The following CDH19 variants were observed in gnomAD, a reference collection of about 807,000 sequenced individuals.
The protein encoded by CDH19 is cadherin 19.
A neutral mutation model predicts 64.2 loss-of-function variants in CDH19; 67 were observed. That is an observed-to-expected ratio of 1.04 (90% CI 0.86 to 1.28). CDH19 has a LOEUF of 1.28. Among genes scored for constraint, CDH19 ranks in the 50% most tolerant of loss-of-function variants. CDH19 has a pLI of 0.00. For synonymous variants in CDH19, 346 were observed against 319.3 expected (o/e 1.08, Z -0.89); for missense variants, 1,030 against 929.0 (o/e 1.11, Z -1.41).
At chr18:66,550,440 A>T (rs1987297304) in intron 5 of CDH19, among the ~76,000 whole-genome samples, 1 of 152,158 alleles carries the variant, frequency 6.6e-6, no homozygotes, top group Admixed American at 6.5e-5. Context: ...TGAACGCATA[A>T]ATATGTCACC....
chr18:66,515,977 A>G (rs547541093), intron 9 of CDH19, among the ~76,000 whole-genome samples: 8 of 152,008 alleles, frequency 5.3e-5, no homozygotes, highest in African/African-American at 1.9e-4. Flanking sequence ...TGCAAACTTA[A>G]AAAGTATTGA....
chr18:66,565,350 A>C (rs554415139), intron 3 of CDH19, among the ~76,000 whole-genome samples: 1 of 152,150 alleles, frequency 6.6e-6, no homozygotes, highest in East Asian at 1.9e-4. Context: ...TCATGACATA[A>C]TGAAATATGG....
intron 5 of CDH19, among the ~76,000 whole-genome samples, chr18:66,548,259 A>AT (rs1337074896): frequency 1.2e-4 from 5 of 42,630 alleles, no homozygotes; most frequent in Admixed American, 1.1e-3. Flanking sequence ...ATATATATAT[A>AT]TATTTTTTTA....
At chr18:66,544,997 G>C in intron 5 of CDH19, 94 bp from the exon 6 acceptor site, 3 of 958,984 alleles carry the variant, frequency 3.1e-6, no homozygotes, top group East Asian at 5.5e-5. Flanking sequence ...TTGTTTTTTC[G>C]AGACGGAGTC....
chr18:66,603,050 T>C (rs1051992896), intron 1 of CDH19, among the ~76,000 whole-genome samples: 3 of 151,022 alleles, frequency 2.0e-5, no homozygotes, highest in Non-Finnish European at 3.0e-5. Context: ...ATGTCTTTCT[T>C]ACAGATATAT....
In CDH19 at chr18:66,552,906, G is replaced by A. The variant is rs185585033; in HGVS notation, c.610+1499C>T. ...CTCTCTTCTGCATTTCTCCACACTG[G>A]TGTTCAGTTATTCTAAGAGTTTCAA... is the stretch of plus-strand genomic sequence containing the variant. On this transcript the variant is annotated intron_variant, in intron 4 of 11. Coordinates refer to ENST00000262150, the MANE Select transcript of CDH19 (RefSeq NM_021153.4). Among the ~76,000 whole-genome samples the A allele has an allele frequency of 3.8e-5, 5 of 133,124 alleles. 1 individual carries two copies. Among genetic ancestry groups the A allele is most frequent in the Admixed American group, 7.3e-5 (1 of 13,736 alleles). 87.3% of individuals were successfully genotyped at this position (133,124 alleles called of 152,430 possible).
intron 1 of CDH19, among the ~76,000 whole-genome samples, chr18:66,594,382 C>T (rs187367424): frequency 6.6e-6 from 1 of 152,142 alleles, no homozygotes; most frequent in African/African-American, 2.4e-5. Flanking sequence ...TAAAGATATT[C>T]AGAACCTAAA....
intron 5 of CDH19, among the ~76,000 whole-genome samples, chr18:66,546,409 G>A (rs1035436323): frequency 6.6e-6 from 1 of 152,110 alleles, no homozygotes; most frequent in Non-Finnish European, 1.5e-5. Context: ...TGCCATGAAC[G>A]TGAAAGCAGA....
intron 1 of CDH19, among the ~76,000 whole-genome samples, chr18:66,573,824 C>T (rs942205344): frequency 2.7e-5 from 4 of 150,890 alleles, no homozygotes; most frequent in African/African-American, 9.7e-5. Context: ...AATATTGTGT[C>T]ATTTCTACAC....
At chr18:66,522,513 G>A (rs915053058) in intron 9 of CDH19, among the ~76,000 whole-genome samples, 1 of 152,168 alleles carries the variant, frequency 6.6e-6, no homozygotes, top group African/African-American at 2.4e-5. Context: ...GCCTCCCAAA[G>A]TGTTGGGATA....
chr18:66,556,394 A>T (rs768840823), intron 3 of CDH19, among the ~76,000 whole-genome samples: 1 of 151,806 alleles, frequency 6.6e-6, no homozygotes, highest in Admixed American at 6.6e-5. Flanking sequence ...CTTATCTGAT[A>T]CTTTGTATTC....
intron 7 of CDH19, among the ~76,000 whole-genome samples, chr18:66,537,498 C>T (rs72954422): frequency 0.15 from 22,585 of 151,832 alleles, 1,822 homozygotes; most frequent in South Asian, 0.25. Context: ...TAGGTGATGA[C>T]GACCCCATTT....
intron 1 of CDH19, among the ~76,000 whole-genome samples, chr18:66,595,951 A>C (rs866145800): frequency 6.6e-6 from 1 of 152,156 alleles, no homozygotes; most frequent in African/African-American, 2.4e-5. Context: ...GCAACATATC[A>C]AATTCAATCC....
chr18:66,583,728 C>A (rs1296085968), intron 1 of CDH19, among the ~76,000 whole-genome samples: 3 of 151,998 alleles, frequency 2.0e-5, no homozygotes, highest in Non-Finnish European at 2.9e-5. Flanking sequence ...ATCATCTAAT[C>A]TTTGACAAAA....
intron 1 of CDH19, among the ~76,000 whole-genome samples, chr18:66,576,288 T>C (rs1417387019): frequency 6.6e-6 from 1 of 151,370 alleles, no homozygotes; most frequent in Admixed American, 6.6e-5. Flanking sequence ...TATATGTCTT[T>C]AAAATGATTT....
chr18:66,574,877 T>C (rs1457104052), intron 1 of CDH19, among the ~76,000 whole-genome samples: 1 of 151,796 alleles, frequency 6.6e-6, no homozygotes, highest in Admixed American at 6.6e-5. Context: ...TGCAGAAACA[T>C]TTTTAAAGTA....
chr18:66,529,886 A>G lies in CDH19; in HGVS notation c.1417T>C (p.Tyr473His). ...INDHAPEFSQ[Y>H]YETYVCENAG... is the part of the protein sequence containing the mutation. ...TTTTCACAAACATAAGTCTCATAGT[A>G]TTGAGAGAACTCAGGAGCATGATCA... Residue 473 changes from tyrosine to histidine, a missense_variant, in exon 9 of 12, where the codon TAC (tyrosine) becomes CAC (histidine). By Grantham distance (83) the Tyr-to-His change is moderately conservative. Transcript: ENST00000262150. 1.3e-6 allele frequency: 2 copies of G among 1,595,118 alleles called. No homozygotes were observed. Among genetic ancestry groups the G allele is most frequent in the Non-Finnish European group, 1.7e-6 (2 of 1,166,988 alleles).
chr18:66,512,243 C>T (rs773454684), intron 9 of CDH19, among the ~76,000 whole-genome samples: 1 of 151,478 alleles, frequency 6.6e-6, no homozygotes, highest in Non-Finnish European at 1.5e-5. Flanking sequence ...TGTTTTACAT[C>T]AAATAAGTTC....
intron 7 of CDH19, among the ~76,000 whole-genome samples, chr18:66,543,708 C>T (rs1051617551): frequency 9.2e-5 from 14 of 151,950 alleles, no homozygotes; most frequent in African/African-American, 3.4e-4. Context: ...TGTGATGAAA[C>T]CCCGTCTCTA....
Sources: gnomAD v4.1 joint callset for allele counts (sites outside exome capture counted in the v4.1 genomes callset) on GRCh38, gnomAD v4.1.1 for gene constraint, MANE v1.5 for transcripts, NCBI Gene and HGNC (gene_info 2026-07-23, HGNC 2026-07-21) for gene names.